NEBL: variants seen among roughly 807,000 people sequenced by gnomAD.
NEBL encodes LIM and SH3 protein 2.
In NEBL, 122 loss-of-function variants were observed where a neutral mutation model predicts 140.2. That is an observed-to-expected ratio of 0.87 (90% CI 0.75 to 1.01). The LOEUF is 1.01. NEBL is among the 50% of genes least tolerant of loss of function. The pLI is 0.00. For missense variants in NEBL, 1,365 were observed against 1,231.3 expected (o/e 1.11, Z -1.62); for synonymous variants, 436 against 398.9 (o/e 1.09, Z -1.11).
intron 3 of NEBL, among the ~76,000 whole-genome samples, chr10:21,181,099 T>C (rs964304816): frequency 6.6e-6 from 1 of 151,786 alleles, no homozygotes; most frequent in Non-Finnish European, 1.5e-5. Flanking sequence ...CCATCTCTAC[T>C]AAAAATACAA....
At chr10:20,967,962 G>C (rs903079134) in intron 3 of NEBL, among the ~76,000 whole-genome samples, 1 of 152,168 alleles carries the variant, frequency 6.6e-6, no homozygotes, top group Non-Finnish European at 1.5e-5. Flanking sequence ...ACATGAGTGG[G>C]AGAAGAGAAA....
At chr10:21,139,870 T>C (rs1839534040) in intron 2 of NEBL, among the ~76,000 whole-genome samples, 1 of 151,442 alleles carries the variant, frequency 6.6e-6, no homozygotes, top group African/African-American at 2.4e-5. Flanking sequence ...TGGAACATGG[T>C]CAGGCACTGG....
intron 2 of NEBL, among the ~76,000 whole-genome samples, chr10:21,147,789 A>G (rs987091517): frequency 6.6e-6 from 1 of 152,124 alleles, no homozygotes; most frequent in African/African-American, 2.4e-5. Flanking sequence ...TACCTTAGCT[A>G]CCCAGCCCCT....
chr10:21,036,432 C>A (rs986552199), intron 2 of NEBL, among the ~76,000 whole-genome samples: 1 of 151,894 alleles, frequency 6.6e-6, no homozygotes, highest in Non-Finnish European at 1.5e-5. Flanking sequence ...CCAGTCTGGG[C>A]AACACGGCAA....
chr10:21,143,840 A>G (rs1839761115), intron 2 of NEBL, among the ~76,000 whole-genome samples: 1 of 152,058 alleles, frequency 6.6e-6, no homozygotes, highest in South Asian at 2.1e-4. Context: ...AAACATCACA[A>G]GCCAGATCAG....
In NEBL at chr10:20,813,922, A is replaced by T. The variant is rs751084688; in HGVS notation, c.2346+17T>A. The T allele has an allele frequency of 5.4e-6, 8 of 1,476,112 alleles. No individual in the cohort carries two copies. The South Asian group carries it at 7.9e-5, about 15-fold the overall frequency. 91.4% of individuals were successfully genotyped at this position (1,476,112 alleles called of 1,614,324 possible). On this transcript the variant is annotated intron_variant, in intron 23 of 27. Transcript: ENST00000377122. ...CATTCCTTAGCATGTTTTAAGAATGATCTGGTTGGACCCTACCATTGAAAT... is the reference window on the plus strand; with the variant it reads ...CATTCCTTAGCATGTTTTAAGAATGTTCTGGTTGGACCCTACCATTGAAAT...
chr10:20,959,789 T>A (rs77385250), intron 4 of NEBL, among the ~76,000 whole-genome samples: 16 of 151,656 alleles, frequency 1.1e-4, no homozygotes, highest in African/African-American at 2.2e-4. Context: ...GTTTTTTTTT[T>A]AAAAAAAGAT....
chr10:21,213,975 G>T (rs2132237823), intron 3 of NEBL, among the ~76,000 whole-genome samples: 1 of 152,224 alleles, frequency 6.6e-6, no homozygotes, highest in South Asian at 2.1e-4. Flanking sequence ...GGCTGGTAAA[G>T]GGAGTTGTCA....
chr10:20,821,732 G>A (rs560092727), intron 19 of NEBL, among the ~76,000 whole-genome samples: 1 of 152,190 alleles, frequency 6.6e-6, no homozygotes, highest in South Asian at 2.1e-4. Flanking sequence ...AATGGTATAT[G>A]AACCACACTT....
At chr10:21,206,763 G>A (rs764261057) in intron 3 of NEBL, among the ~76,000 whole-genome samples, 3 of 152,232 alleles carry the variant, frequency 2.0e-5, no homozygotes, top group Non-Finnish European at 4.4e-5. Flanking sequence ...AGAAGAAGTC[G>A]TGGGACAGGG....
At chr10:21,074,332 T>C (rs568410546) in intron 2 of NEBL, among the ~76,000 whole-genome samples, 2 of 152,282 alleles carry the variant, frequency 1.3e-5, no homozygotes, top group Admixed American at 1.3e-4. Context: ...TGAAAGTTCA[T>C]CACAGGCAGA....
intron 2 of NEBL, among the ~76,000 whole-genome samples, chr10:21,034,676 G>C (rs1182047046): frequency 2.6e-5 from 4 of 152,178 alleles, no homozygotes; most frequent in Non-Finnish European, 5.9e-5. Flanking sequence ...CTGTCTAACG[G>C]AGGAAACTGT....
chr10:21,253,651 C>T (rs1263312480), intron 1 of NEBL, among the ~76,000 whole-genome samples: 1 of 149,530 alleles, frequency 6.7e-6, no homozygotes, highest in Non-Finnish European at 1.5e-5. Flanking sequence ...TCAAGCGCTT[C>T]TCCTGCCTCA....
intron 26 of NEBL, 103 bp from the exon 27 acceptor site, chr10:20,787,411 A>C: frequency 1.1e-6 from 1 of 895,940 alleles, no homozygotes; most frequent in Non-Finnish European, 1.8e-6. Flanking sequence ...GAAGCTTCTG[A>C]AACAAAATGC....
At chr10:20,794,120 G>C (rs970741580) in intron 26 of NEBL, among the ~76,000 whole-genome samples, 3 of 152,202 alleles carry the variant, frequency 2.0e-5, no homozygotes, top group Admixed American at 2.0e-4. Context: ...TTGGAGGTTA[G>C]CGTGCAACAT....
At position 21,220,027 on chromosome 10, in the gene NEBL, C is replaced by T. The variant is rs112502451; in HGVS notation, n.348+27894G>A. ...CTCCCAGTTCAAGCAATTCTCCTAC[C>T]TCAGCCTCCCAAGTAGCTGGGATTA... is the stretch of plus-strand genomic sequence containing the variant. On this transcript the variant is annotated intron_variant and non_coding_transcript_variant, in intron 3 of 8. Transcript: ENST00000675702. Among the ~76,000 whole-genome samples, 1,292 of 152,188 alleles carry T rather than the reference C, an allele frequency of 8.5e-3. 9 individuals are homozygous for T. The highest frequency in any genetic ancestry group is 0.014 in the Non-Finnish European group (958 of 67,996).
chr10:21,214,678 A>G (rs1457072259), intron 3 of NEBL, among the ~76,000 whole-genome samples: 1 of 151,990 alleles, frequency 6.6e-6, no homozygotes, highest in African/African-American at 2.4e-5. Flanking sequence ...CAGTGAGGAA[A>G]GGGTTTTTCA....
intron 2 of NEBL, among the ~76,000 whole-genome samples, chr10:21,111,572 C>G (rs563414309): frequency 6.6e-6 from 1 of 151,202 alleles, no homozygotes; most frequent in Admixed American, 6.6e-5. Context: ...CTTCCTTACA[C>G]CATATACAAA....
intron 2 of NEBL, among the ~76,000 whole-genome samples, chr10:21,036,002 A>G (rs1287893203): frequency 1.3e-5 from 2 of 152,012 alleles, no homozygotes; most frequent in Admixed American, 1.3e-4. Flanking sequence ...ATTTCCACCA[A>G]AAATACAAAA....
Sources: allele counts gnomAD v4.1 joint callset (sites outside exome capture counted in the v4.1 genomes callset), GRCh38; gene constraint gnomAD v4.1.1; transcripts MANE v1.5; gene names NCBI Gene and HGNC (gene_info 2026-07-23, HGNC 2026-07-21).